Variants in ATP2B2 observed in about 807,000 individuals in gnomAD.
ATP2B2 encodes the protein ATPase plasma membrane Ca2+ transporting 2.
Under a neutral mutation model 120.0 loss-of-function variants are expected in ATP2B2, and 15 were observed. That is an observed-to-expected ratio of 0.12 (90% confidence interval 0.08 to 0.19). The LOEUF (loss-of-function observed/expected upper bound fraction) is 0.19. Ranked by LOEUF, ATP2B2 falls within the 10% of genes least tolerant of loss-of-function variation. The pLI is 1.00. For synonymous variants in ATP2B2, 694 were observed against 700.3 expected (o/e 0.99, Z 0.14); for missense variants, 1,045 against 1,719.8 (o/e 0.61, Z 6.94).
intron 2 of ATP2B2, among the ~76,000 whole-genome samples, chr3:10,444,144 G>A (rs2063758309): frequency 6.6e-6 from 1 of 152,216 alleles, no homozygotes; most frequent in African/African-American, 2.4e-5. Flanking sequence ...GCGCTGGAGT[G>A]GGGCAGCAAG....
chr3:10,555,036 C>T (rs1216124677), intron 2 of ATP2B2, among the ~76,000 whole-genome samples: 1 of 152,222 alleles, frequency 6.6e-6, no homozygotes, highest in Non-Finnish European at 1.5e-5. Flanking sequence ...GTCAGAGGCC[C>T]ATTATGTGAC....
chr3:10,688,040 A>G (rs2071566084), intron 1 of ATP2B2, among the ~76,000 whole-genome samples: 2 of 152,210 alleles, frequency 1.3e-5, no homozygotes, highest in Admixed American at 1.3e-4. Flanking sequence ...TATTCATATT[A>G]CATATTCATT....
At chr3:10,438,993 C>A (rs1472790468) in intron 2 of ATP2B2, among the ~76,000 whole-genome samples, 1 of 152,212 alleles carries the variant, frequency 6.6e-6, no homozygotes, top group Non-Finnish European at 1.5e-5. Flanking sequence ...CTAAACCCGA[C>A]CTTTGGGAGC....
In ATP2B2 at chr3:10,394,895, A is replaced by G. The variant is rs537269156; in HGVS notation, c.781+6058T>C. Among the ~76,000 whole-genome samples the G allele has an allele frequency of 3.3e-5, 5 of 152,098 alleles. No individual in the cohort carries two copies. The South Asian group carries it at 1.0e-3, about 32-fold the overall frequency. Reference sequence around the variant, plus strand: ...CCTGGCTCCAGCCCCTTCCACTGCCACATTGATGGCATCTAGTCTAGTCCT... The same window carrying G: ...CCTGGCTCCAGCCCCTTCCACTGCCGCATTGATGGCATCTAGTCTAGTCCT... On this transcript the variant is annotated intron_variant, in intron 5 of 22. Coordinates refer to ENST00000360273, the MANE Select transcript of ATP2B2 (RefSeq NM_001001331.4).
chr3:10,362,302 C>G (rs1031672773), intron 12 of ATP2B2, among the ~76,000 whole-genome samples: 1 of 152,222 alleles, frequency 6.6e-6, no homozygotes, highest in African/African-American at 2.4e-5. Flanking sequence ...TGTGCAGGGA[C>G]AGGGAGGACC....
chr3:10,531,798 A>C lies in ATP2B2; in HGVS notation c.-320+2241T>G, dbSNP rs1309883220. ...AATGCCTGGCACGCAGTGGGTACTTAGGGACTCCTAGGCACTGAGATGATT... is the reference window on the plus strand; with the variant it reads ...AATGCCTGGCACGCAGTGGGTACTTCGGGACTCCTAGGCACTGAGATGATT... On this transcript the variant is annotated intron_variant, in intron 3 of 21. Coordinates refer to the ATP2B2 transcript ENST00000646379. 4.6e-5 allele frequency among the ~76,000 whole-genome samples: 7 copies of C among 152,190 alleles called. 1 individual carries two copies. The highest frequency in any genetic ancestry group is 1.4e-4 in the African/African-American group (6 of 41,440).
intron 2 of ATP2B2, among the ~76,000 whole-genome samples, chr3:10,543,171 G>A (rs2067474662): frequency 6.6e-6 from 1 of 152,196 alleles, no homozygotes; most frequent in Non-Finnish European, 1.5e-5. Context: ...TAAAAAACTT[G>A]ATGAATGTGC....
rs80019999 is a variant in ATP2B2 at position 10,569,211 on chromosome 3, A to G, written c.-414-35078T>C. Among the ~76,000 whole-genome samples, 406 of 152,362 alleles carry G rather than the reference A, an allele frequency of 2.7e-3. 1 individual carries two copies. The highest frequency in any genetic ancestry group is 9.2e-3 in the African/African-American group (383 of 41,586). Reference sequence around the variant, plus strand: ...AAATAGGGAAAAATGTGACAATTATAAAAACAATCGCTCCTCTTTATTGAG... The same window carrying G: ...AAATAGGGAAAAATGTGACAATTATGAAAACAATCGCTCCTCTTTATTGAG... On this transcript the variant is annotated intron_variant, in intron 2 of 21. Transcript: ENST00000646379.
Position 10,345,593 on chromosome 3 carries a change from G to T in ATP2B2, c.2512-18C>A, listed in dbSNP as rs769317878. ...GCGATGCCCTGTGGGGACAGGGACA[G>T]GAGGCTGGGTGGGGTGGCCGGGGGA... is the stretch of plus-strand genomic sequence containing the variant. On this transcript the variant is annotated intron_variant, in intron 17 of 22. Transcript: ENST00000360273. 5.6e-6 allele frequency: 9 copies of T among 1,612,346 alleles called. No individual in the cohort carries two copies. The South Asian group carries it at 9.9e-5, about 18-fold the overall frequency.
At chr3:10,572,609 G>A (rs2068152505) in intron 2 of ATP2B2, among the ~76,000 whole-genome samples, 1 of 152,192 alleles carries the variant, frequency 6.6e-6, no homozygotes, top group South Asian at 2.1e-4. Context: ...AGGAGGGGGT[G>A]TGTGGTGAAA....
intron 12 of ATP2B2, among the ~76,000 whole-genome samples, chr3:10,369,070 C>T (rs2061152563): frequency 6.6e-6 from 1 of 152,168 alleles, no homozygotes; most frequent in Admixed American, 6.5e-5. Context: ...ATATGGGAGC[C>T]CAGCCCTGCC....
intron 2 of ATP2B2, among the ~76,000 whole-genome samples, chr3:10,419,117 A>G (rs985452124): frequency 6.6e-6 from 1 of 152,262 alleles, no homozygotes; most frequent in Non-Finnish European, 1.5e-5. Flanking sequence ...ATAAATGTGC[A>G]CCAGCACACA....
intron 1 of ATP2B2, among the ~76,000 whole-genome samples, chr3:10,680,760 C>T (rs531245905): frequency 1.4e-4 from 21 of 152,232 alleles, no homozygotes; most frequent in Non-Finnish European, 5.9e-5. Context: ...ACAGAGGCAC[C>T]CTTAGGACAT....
Position 10,580,611 on chromosome 3 carries a change from T to G in ATP2B2, c.-415+39306A>C, listed in dbSNP as rs1575520390. On this transcript the variant is annotated intron_variant, in intron 2 of 21. Transcript: ENST00000646379. ...CTTCCTCATCTTTGGGCCTTATCCC[T>G]GTCCGCAGCCCCTCCTCCCTGCCTC... Among the ~76,000 whole-genome samples, 3 of 152,160 alleles carry G rather than the reference T, an allele frequency of 2.0e-5. No homozygotes were observed. The East Asian group carries it at 5.8e-4, about 29-fold the overall frequency.
At chr3:10,345,603 TG>T (rs755619217) in intron 17 of ATP2B2, 28 bp from the exon 18 acceptor site, 50 of 1,610,556 alleles carry the variant, frequency 3.1e-5, no homozygotes, top group Non-Finnish European at 4.2e-5. Flanking sequence ...GGAGGCTGGG[TG>T]GGGTGGCCGG....
chr3:10,478,756 C>T (rs1416243327), intron 1 of ATP2B2, among the ~76,000 whole-genome samples: 1 of 152,232 alleles, frequency 6.6e-6, no homozygotes, highest in African/African-American at 2.4e-5. Flanking sequence ...CCTAGTTCTT[C>T]TCATCTCTTG....
At chr3:10,550,338 TA>T (rs2067641649) in intron 2 of ATP2B2, among the ~76,000 whole-genome samples, 1 of 152,274 alleles carries the variant, frequency 6.6e-6, no homozygotes, top group African/African-American at 2.4e-5. Flanking sequence ...CAGAGTGTTT[TA>T]CCTGGCCATG....
chr3:10,354,987 C>A (rs996658853), intron 14 of ATP2B2, among the ~76,000 whole-genome samples: 1 of 152,192 alleles, frequency 6.6e-6, no homozygotes, highest in Non-Finnish European at 1.5e-5. Flanking sequence ...TAAGCACACA[C>A]GTTCCCTGAA....
intron 11 of ATP2B2, 127 bp from the exon 12 acceptor site, chr3:10,372,178 G>C: frequency 7.4e-7 from 1 of 1,354,524 alleles, no homozygotes; most frequent in Non-Finnish European, 1.0e-6. Context: ...CTTTGCTTCC[G>C]GCACTTGTAA....
Sources: allele counts gnomAD v4.1 joint callset (sites outside exome capture counted in the v4.1 genomes callset), GRCh38; gene constraint gnomAD v4.1.1; transcripts MANE v1.5; gene names NCBI Gene and HGNC (gene_info 2026-07-23, HGNC 2026-07-21).